Variants in BCL2 observed in about 807,000 individuals in gnomAD.
BCL2 encodes apoptosis regulator Bcl-2.
A neutral mutation model predicts 14.2 loss-of-function variants in BCL2; 1 was observed. That is an observed-to-expected ratio of 0.07 (90% CI 0.02 to 0.33). The LOEUF is 0.33. Among genes scored for constraint, BCL2 ranks in the 10% least tolerant of loss-of-function variants. BCL2 has a pLI of 0.99. For synonymous variants in BCL2, 151 were observed against 137.2 expected (o/e 1.10, Z -0.70); for missense variants, 247 against 305.9 (o/e 0.81, Z 1.44).
At chr18:63,131,971 C>A (rs1386964680) in intron 2 of BCL2, among the ~76,000 whole-genome samples, 6 of 152,202 alleles carry the variant, frequency 3.9e-5, no homozygotes, top group African/African-American at 1.4e-4. Context: ...ACCCTCACCC[C>A]CACACAAATA....
In BCL2 at chr18:63,255,709, A is replaced by G. The variant is rs1411179146; in HGVS notation, c.585+62373T>C. Among the ~76,000 whole-genome samples the G allele has an allele frequency of 5.3e-5, 8 of 152,158 alleles. No homozygotes were observed. In the East Asian group the frequency reaches 1.5e-3, roughly 29 times the overall value. On this transcript the variant is annotated intron_variant, in intron 2 of 2. Coordinates refer to ENST00000333681, the MANE Select transcript of BCL2 (RefSeq NM_000633.3). ...GTGCAAAAAAACATGGGAAGACAAT[A>G]TCTAAATGCCTCTCAGGGATGTTGT...
intron 2 of BCL2, among the ~76,000 whole-genome samples, chr18:63,169,381 TTCTTTCTTTTTC>T (rs1915162266): frequency 8.4e-6 from 1 of 118,894 alleles, no homozygotes. Context: ...CTTTCTTTCT[TTCTTTCTTTTTC>T]TTTCTTTCTT....
At chr18:63,262,879 C>T (rs930878471) in intron 2 of BCL2, among the ~76,000 whole-genome samples, 4 of 152,160 alleles carry the variant, frequency 2.6e-5, no homozygotes, top group African/African-American at 9.7e-5. Flanking sequence ...GACTTCTGTT[C>T]TCAGATGTTT....
rs1599312057 is a variant in BCL2 at position 63,319,739 on chromosome 18, A to G, written c.-852T>C. ...TGGCCCGCCGGTGCCGAGCGCTAGA[A>G]GCCCGCGCTGTGTGTGGTGCGGCGA... On this transcript the variant is annotated 5_prime_UTR_variant, in exon 1 of 3. Coordinates refer to ENST00000333681, the MANE Select transcript of BCL2 (RefSeq NM_000633.3). 1 of 203,878 alleles carries G rather than the reference A, an allele frequency of 4.9e-6. No individual in the cohort carries two copies. Among genetic ancestry groups the G allele is most frequent in the Non-Finnish European group, 1.0e-5 (1 of 99,222 alleles). The allele number at this position is 203,878 out of a possible 1,614,324, so 12.6% of individuals were successfully genotyped here. A position where few individuals can be genotyped will look rare whatever the true frequency, so the allele number is the denominator to read the frequency against.
In BCL2 at chr18:63,318,230, C is replaced by T. The variant is rs1913561230; in HGVS notation, c.437G>A (p.Arg146Lys). The stretch of plus-strand genomic sequence containing the variant: ...ACCGAACTCAAAGAAGGCCACAATC[C>T]TCCCCCAGTTCACCCCGTCCCTGAA... ...ELFRDGVNWG[R>K]IVAFFEFGGV... The change falls in exon 2 of 3, where the codon AGG (arginine) becomes AAG (lysine). Residue 146 changes from arginine to lysine, a missense_variant. Physicochemically the swap from Arg to Lys is conservative, Grantham distance 26 (BLOSUM62 2). Transcript: ENST00000333681. The surrounding 1 kb of genome is among the most constrained non-coding windows in gnomAD (Gnocchi z 7.4). The T allele has an allele frequency of 6.2e-7, 1 of 1,614,118 alleles. No individual in the cohort carries two copies. Among genetic ancestry groups the T allele is most frequent in the Non-Finnish European group, 8.5e-7 (1 of 1,180,056 alleles).
At chr18:63,168,696 G>A (rs984041103) in intron 2 of BCL2, among the ~76,000 whole-genome samples, 12 of 152,188 alleles carry the variant, frequency 7.9e-5, no homozygotes, top group African/African-American at 2.7e-4. Flanking sequence ...AATGTGGACT[G>A]CTCCGTTTAT....
chr18:63,145,254 G>C (rs1233434898), intron 2 of BCL2, among the ~76,000 whole-genome samples: 1 of 152,236 alleles, frequency 6.6e-6, no homozygotes, highest in East Asian at 1.9e-4. Context: ...TATTCTTGCT[G>C]GACCAAAAGT....
intron 2 of BCL2, among the ~76,000 whole-genome samples, chr18:63,231,885 G>T (rs1457970974): frequency 6.6e-6 from 1 of 151,998 alleles, no homozygotes; most frequent in African/African-American, 2.4e-5. Flanking sequence ...CTTTGAAAAA[G>T]AATAATATGG....
chr18:63,223,268 C>CG (rs1910453548), intron 2 of BCL2, among the ~76,000 whole-genome samples: 1 of 152,014 alleles, frequency 6.6e-6, no homozygotes, highest in African/African-American at 2.4e-5. Context: ...GGCGTGGTGG[C>CG]GGGCACCTGT....
intron 2 of BCL2, among the ~76,000 whole-genome samples, chr18:63,164,092 ATGG>A (rs10564352): frequency 0.29 from 43,696 of 151,910 alleles, 8,715 homozygotes; most frequent in African/African-American, 0.54. Context: ...AGAAAGAAGT[ATGG>A]TGGTGGTATG....
chr18:63,125,596 A>G lies in BCL2; in HGVS notation c.*3029T>C, dbSNP rs1435757515. 1 of 213,544 alleles carries G rather than the reference A, an allele frequency of 4.7e-6. No homozygotes were observed. The highest frequency in any genetic ancestry group is 6.9e-5 in the East Asian group (1 of 14,456). The allele number at this position is 213,544 out of a possible 1,614,324, so 13.2% of individuals were successfully genotyped here. A position where few individuals can be genotyped will look rare whatever the true frequency, so the allele number is the denominator to read the frequency against. ...GTTTTTTCATTCATAAAGAGCAGTT[A>G]AGATGCAGATGTGAATCCCTCTTCA... is the stretch of plus-strand genomic sequence containing the variant. On this transcript the variant is annotated 3_prime_UTR_variant, in exon 3 of 3. Coordinates refer to ENST00000333681, the MANE Select transcript of BCL2 (RefSeq NM_000633.3).
At position 63,125,709 on chromosome 18, in the gene BCL2, T is replaced by TGAGG. The variant is rs1913895284; in HGVS notation, c.*2912_*2915dup. 1 of 213,926 alleles carries TGAGG rather than the reference T, an allele frequency of 4.7e-6. No individual in the cohort carries two copies. The highest frequency in any genetic ancestry group is 5.9e-5 in the Admixed American group (1 of 17,058). The allele number at this position is 213,926 out of a possible 1,614,324, so 13.3% of individuals were successfully genotyped here. A position where few individuals can be genotyped will look rare whatever the true frequency, so the allele number is the denominator to read the frequency against. ...AGAAGAGGAGAAAAAAATGACTAGT[T>TGAGG]GAGGCTTTTATATACATTCATTGCT... On this transcript the variant is annotated 3_prime_UTR_variant, in exon 3 of 3. Transcript: ENST00000333681.
intron 2 of BCL2, among the ~76,000 whole-genome samples, chr18:63,167,041 G>T (rs1354216649): frequency 6.6e-6 from 1 of 152,238 alleles, no homozygotes; most frequent in African/African-American, 2.4e-5. Flanking sequence ...GAAGGTGCTG[G>T]AGTAGAGGGA....
intron 2 of BCL2, among the ~76,000 whole-genome samples, chr18:63,151,672 G>T (rs1213784037): frequency 6.6e-6 from 1 of 152,156 alleles, no homozygotes; most frequent in African/African-American, 2.4e-5. Context: ...TGTAGGCCCA[G>T]CCCAATTTCT....
chr18:63,136,946 A>G (rs1281443986), intron 2 of BCL2, among the ~76,000 whole-genome samples: 1 of 152,200 alleles, frequency 6.6e-6, no homozygotes. Context: ...TGCACTGCCA[A>G]TTTTACCACC....
intron 2 of BCL2, among the ~76,000 whole-genome samples, chr18:63,158,066 T>C (rs1914828189): frequency 6.6e-6 from 1 of 152,080 alleles, no homozygotes. Flanking sequence ...AGTCCATCTA[T>C]ACTCACCTGG....
At chr18:63,170,589 T>C (rs1367432012) in intron 2 of BCL2, among the ~76,000 whole-genome samples, 2 of 152,204 alleles carry the variant, frequency 1.3e-5, no homozygotes, top group Non-Finnish European at 2.9e-5. Flanking sequence ...GCAAGTCACA[T>C]TCGGTATATG....
intron 2 of BCL2, among the ~76,000 whole-genome samples, chr18:63,145,343 G>T (rs1474918921): frequency 6.7e-6 from 1 of 149,342 alleles, no homozygotes; most frequent in African/African-American, 2.4e-5. Context: ...AGAGACCCAG[G>T]GGGATACAGG....
intron 2 of BCL2, among the ~76,000 whole-genome samples, chr18:63,304,738 C>A (rs74957309): frequency 1.3e-5 from 2 of 152,150 alleles, no homozygotes; most frequent in Middle Eastern, 3.4e-3. Flanking sequence ...TGGTCCAATG[C>A]GGCATTTTCT....
Sources: allele counts gnomAD v4.1 joint callset (sites outside exome capture counted in the v4.1 genomes callset), GRCh38; gene constraint gnomAD v4.1.1; non-coding constraint Gnocchi (gnomAD v3.1); transcripts MANE v1.5; gene names NCBI Gene and HGNC (gene_info 2026-07-23, HGNC 2026-07-21).